PHF24: variants seen among roughly 807,000 people sequenced by gnomAD.
PHF24 encodes the protein Galpha inhibitory interacting protein.
A neutral mutation model predicts 42.6 loss-of-function variants in PHF24; 25 were observed. The ratio of observed to expected loss-of-function variants is 0.59; its 90% confidence interval spans 0.43 to 0.82. The LOEUF (loss-of-function observed/expected upper bound fraction) is 0.82. PHF24 is among the 40% of genes least tolerant of loss of function. PHF24 has a pLI of 0.00. For missense variants in PHF24, 470 were observed against 538.1 expected (o/e 0.87, Z 1.25); for synonymous variants, 185 against 204.8 (o/e 0.90, Z 0.83).
rs1826472526 is a variant in PHF24 at position 34,958,517 on chromosome 9, C to G, written c.-5+116C>G. On this transcript the variant is annotated intron_variant, in intron 1 of 7. Coordinates refer to ENST00000242315, the Ensembl canonical transcript of PHF24. The surrounding 1 kb of genome is among the most constrained non-coding windows in gnomAD (Gnocchi z 4.5). Reference sequence around the variant, plus strand: ...GTGTGGGAGCCGCCTCCAAGGTGGCCCCCCTGTGTCATTGGATGAACCCCA... The same window carrying G: ...GTGTGGGAGCCGCCTCCAAGGTGGCGCCCCTGTGTCATTGGATGAACCCCA... 6.6e-6 allele frequency: 1 copy of G among 152,278 alleles called. No individual in the cohort carries two copies. The highest frequency in any genetic ancestry group is 2.4e-5 in the African/African-American group (1 of 41,448). 9.4% of individuals were successfully genotyped at this position (152,278 alleles called of 1,614,324 possible). A position where few individuals can be genotyped will look rare whatever the true frequency, so the allele number is the denominator to read the frequency against.
At chr9:34,851,231 C>T in the PHF24 span, among the ~76,000 whole-genome samples, 3 of 152,174 alleles carry the variant, frequency 2.0e-5, no homozygotes, top group Admixed American at 6.5e-5. Context: ...ATGCAGGCTT[C>T]CTTGAGCTGT....
At chr9:34,846,129 T>A in the PHF24 span, among the ~76,000 whole-genome samples, 1 of 152,204 alleles carries the variant, frequency 6.6e-6, no homozygotes, top group South Asian at 2.1e-4. Flanking sequence ...ATGGGATGGC[T>A]GGGTCAAATG....
the PHF24 span, among the ~76,000 whole-genome samples, chr9:34,784,345 A>G: frequency 6.6e-6 from 1 of 152,218 alleles, no homozygotes. Context: ...GTAGGAAATG[A>G]TTGCTTATTC....
At chr9:34,673,324 G>A in the PHF24 span, among the ~76,000 whole-genome samples, 2,710 of 147,128 alleles carry the variant, frequency 0.018, 94 homozygotes, top group African/African-American at 0.063. Flanking sequence ...ACTGCACTCC[G>A]GTCCGGGCTA....
intron 1 of PHF24, among the ~76,000 whole-genome samples, chr9:34,966,428 T>A (rs1360378035): frequency 6.6e-6 from 1 of 152,036 alleles, no homozygotes; most frequent in Admixed American, 6.6e-5. Flanking sequence ...TCTTTAAAAA[T>A]TTTTCAAAAA....
chr9:34,691,184 G>T, the PHF24 span: 2 of 1,589,200 alleles, frequency 1.3e-6, no homozygotes, highest in South Asian at 2.2e-5. Context: ...GTGAGCGCCA[G>T]CTGTCTGGGT....
the PHF24 span, among the ~76,000 whole-genome samples, chr9:34,768,883 A>G: frequency 6.6e-6 from 1 of 150,522 alleles, no homozygotes; most frequent in African/African-American, 2.5e-5. Context: ...ATTTACTACT[A>G]CTAGTAGGTG....
At chr9:34,899,714 G>T in the PHF24 span, among the ~76,000 whole-genome samples, 3 of 152,142 alleles carry the variant, frequency 2.0e-5, no homozygotes, top group African/African-American at 7.2e-5. Flanking sequence ...AGGATTGTGG[G>T]GAGTAACAGT....
the PHF24 span, among the ~76,000 whole-genome samples, chr9:34,732,738 A>G: frequency 6.6e-6 from 1 of 152,174 alleles, no homozygotes; most frequent in Non-Finnish European, 1.5e-5. Flanking sequence ...ATACTCCTGT[A>G]TCTTTCAGAA....
the PHF24 span, among the ~76,000 whole-genome samples, chr9:34,828,678 T>C: frequency 6.6e-6 from 1 of 152,176 alleles, no homozygotes; most frequent in Non-Finnish European, 1.5e-5. Flanking sequence ...GCTTGACTAG[T>C]TGGCAACTGG....
the PHF24 span, among the ~76,000 whole-genome samples, chr9:34,879,798 T>C: frequency 2.6e-5 from 4 of 152,164 alleles, no homozygotes; most frequent in African/African-American, 9.7e-5. Context: ...CCAGGAGAAC[T>C]TCCCCAATCT....
the PHF24 span, chr9:34,834,789 G>A: frequency 5.2e-6 from 8 of 1,542,624 alleles, no homozygotes; most frequent in South Asian, 8.4e-5. Flanking sequence ...TGAGCTCGTT[G>A]ATGGTCAGAT....
At chr9:34,832,360 G>T in the PHF24 span, 1 of 782,596 alleles carries the variant, frequency 1.3e-6, no homozygotes, top group Non-Finnish European at 2.1e-6. Flanking sequence ...CAGTGGTGGG[G>T]GTGGCCTGGG....
chr9:34,783,449 C>A, the PHF24 span, among the ~76,000 whole-genome samples: 22 of 152,208 alleles, frequency 1.4e-4, no homozygotes, highest in East Asian at 2.1e-3. Flanking sequence ...TCAAAACGAC[C>A]TCTTTTCTTT....
the PHF24 span, among the ~76,000 whole-genome samples, chr9:34,884,187 G>T: frequency 1.3e-5 from 2 of 152,250 alleles, no homozygotes; most frequent in East Asian, 1.9e-4. Context: ...GATACAGGGT[G>T]GGGAACATCA....
the PHF24 span, among the ~76,000 whole-genome samples, chr9:34,719,933 G>A: frequency 2.6e-3 from 399 of 152,308 alleles, 12 homozygotes; most frequent in East Asian, 0.066. Context: ...TATGGGCTGG[G>A]CCCCCATCCC....
At chr9:34,969,360 C>T (rs570914667) in intron 1 of PHF24, among the ~76,000 whole-genome samples, 5 of 152,264 alleles carry the variant, frequency 3.3e-5, no homozygotes, top group South Asian at 2.1e-4. Flanking sequence ...TGCCCTCTTT[C>T]GCCAGGCACG....
chr9:34,689,987 G>T, the PHF24 span: 2 of 1,614,136 alleles, frequency 1.2e-6, no homozygotes, highest in Non-Finnish European at 1.7e-6. This position sits in a 1 kb window ranked among gnomAD's most constrained non-coding sequence, Gnocchi z 4.1. Flanking sequence ...GCTGGTCTGG[G>T]GGTGCACAGA....
exon 5 of PHF24, chr9:34,976,663 G>A: frequency 6.2e-7 from 1 of 1,614,222 alleles, no homozygotes; most frequent in Admixed American, 1.7e-5. Context: ...CCTGGACCCT[G>A]AACATCGAGG....
Sources: gnomAD v4.1 joint callset for allele counts (sites outside exome capture counted in the v4.1 genomes callset) on GRCh38, gnomAD v4.1.1 for gene constraint, Gnocchi (gnomAD v3.1) non-coding constraint, MANE v1.5 for transcripts, NCBI Gene and HGNC (gene_info 2026-07-23, HGNC 2026-07-21) for gene names.